Variants in MRPL21 observed in about 807,000 individuals in gnomAD.
MRPL21 encodes large ribosomal subunit protein bL21m.
In MRPL21, 20 loss-of-function variants were observed where a neutral mutation model predicts 27.3. The observed-to-expected ratio is 0.73, with a 90% confidence interval of 0.52 to 1.06. The LOEUF (loss-of-function observed/expected upper bound fraction) is 1.06. Among genes scored for constraint, MRPL21 ranks in the 50% least tolerant of loss-of-function variants. The pLI is 0.00. For synonymous variants in MRPL21, 98 were observed against 101.5 expected, an observed-to-expected ratio of 0.97 and a Z score of 0.21; for missense variants, 249 against 251.4, an observed-to-expected ratio of 0.99 and a Z score of 0.06.
chr11:68,896,356 G>C lies in MRPL21; in HGVS notation c.396+159C>G, dbSNP rs1036527498. 4.4e-6 allele frequency: 4 copies of C among 909,772 alleles called. No individual in the cohort carries two copies. The South Asian group carries it at 4.7e-5, about 11-fold the overall frequency. 56.4% of individuals were successfully genotyped at this position (909,772 alleles called of 1,614,324 possible). Reference sequence around the variant, plus strand: ...TGCCCTGCCCTTGGACCCCAGCCCCGCCGTGGGCGCCCCCCAAAGTCCCTT... The same window carrying C: ...TGCCCTGCCCTTGGACCCCAGCCCCCCCGTGGGCGCCCCCCAAAGTCCCTT... On this transcript the variant is annotated intron_variant, in intron 4 of 6. Transcript: ENST00000362034.
Position 68,900,482 on chromosome 11 carries a change from G to C in MRPL21, c.146+66C>G, listed in dbSNP as rs1227083900. On this transcript the variant is annotated intron_variant, in intron 2 of 6. Coordinates refer to ENST00000362034, the MANE Select transcript of MRPL21 (RefSeq NM_181514.2). ...TGAGAACCAAAAGGTAGGAAGTTTT[G>C]ACTTTAGAAAGATGGTTCTACAAAT... is the stretch of plus-strand genomic sequence containing the variant. 9 of 1,420,820 alleles carry C rather than the reference G, an allele frequency of 6.3e-6. No individual in the cohort carries two copies. In the African/African-American group the frequency reaches 1.3e-4, roughly 20 times the overall value. The allele number at this position is 1,420,820 out of a possible 1,614,324, so 88.0% of individuals were successfully genotyped here. A position where few individuals can be genotyped will look rare whatever the true frequency, so the allele number is the denominator to read the frequency against.
chr11:68,895,881 T>C (rs943852151), intron 4 of MRPL21, among the ~76,000 whole-genome samples: 8 of 152,304 alleles, frequency 5.3e-5, no homozygotes, highest in Admixed American at 3.9e-4. Flanking sequence ...GGTCTCACCA[T>C]GTTGCCCAGG....
rs1286001356 is a variant in MRPL21, at chr11:68,892,676, G to A, written c.553+214C>T. 9 of 1,497,288 alleles carry A rather than the reference G, an allele frequency of 6.0e-6. No homozygotes were observed. The African/African-American group carries it at 7.0e-5, about 12-fold the overall frequency. 92.8% of individuals were successfully genotyped at this position (1,497,288 alleles called of 1,614,324 possible). A position where few individuals can be genotyped will look rare whatever the true frequency, so the allele number is the denominator to read the frequency against. Reference sequence around the variant, plus strand: ...GCGTGGAGGAGAAGGGGAGCGAGGTGGGGTCACGCGTGGAGCGTGGAGGAG... The same window carrying A: ...GCGTGGAGGAGAAGGGGAGCGAGGTAGGGTCACGCGTGGAGCGTGGAGGAG... On this transcript the variant is annotated intron_variant, in intron 6 of 6. Transcript: ENST00000362034.
At position 68,900,489 on chromosome 11, in the gene MRPL21, G is replaced by T. The variant is rs184499148; in HGVS notation, c.146+59C>A. The T allele has an allele frequency of 2.5e-3, 3,747 of 1,478,348 alleles. 6 individuals are homozygous for T. The highest frequency in any genetic ancestry group is 3.1e-3 in the Non-Finnish European group (3,332 of 1,064,584). 91.6% of individuals were successfully genotyped at this position (1,478,348 alleles called of 1,614,324 possible). On this transcript the variant is annotated intron_variant, in intron 2 of 6. Transcript: ENST00000362034. ...CAAAAGGTAGGAAGTTTTGACTTTAGAAAGATGGTTCTACAAATGAAAGGA... is the reference window on the plus strand; with the variant it reads ...CAAAAGGTAGGAAGTTTTGACTTTATAAAGATGGTTCTACAAATGAAAGGA...
intron 3 of MRPL21, 39 bp from the exon 4 acceptor site, chr11:68,896,717 C>T: frequency 1.2e-6 from 2 of 1,610,986 alleles, no homozygotes; most frequent in Non-Finnish European, 1.7e-6. Context: ...TCACCCTCAC[C>T]TGCTCCCCCA....
At chr11:68,891,488 G>A (rs1857645580) in intron 6 of MRPL21, 93 bp from the exon 7 acceptor site, 8 of 1,252,780 alleles carry the variant, frequency 6.4e-6, no homozygotes, top group Admixed American at 5.0e-5. Context: ...CCCAGCCAGC[G>A]CGACCCCGGC....
chr11:68,901,665 A>G (rs1857938860), intron 1 of MRPL21, among the ~76,000 whole-genome samples: 1 of 152,036 alleles, frequency 6.6e-6, no homozygotes, highest in African/African-American at 2.4e-5. Flanking sequence ...CTCTCCGCCC[A>G]TGGCCATTCC....
In MRPL21 at chr11:68,892,165, G is replaced by A. The variant is rs1215342805; in HGVS notation, c.553+725C>T. ...GAGAAGGGGAGCGAGGTGGGTTCAC[G>A]CGCGGAGGGTGGAGGAGAAGGGGAG... is the stretch of plus-strand genomic sequence containing the variant. On this transcript the variant is annotated intron_variant, in intron 6 of 6. Transcript: ENST00000362034. 13 of 876,966 alleles carry A rather than the reference G, an allele frequency of 1.5e-5. No individual in the cohort carries two copies. The African/African-American group carries it at 2.7e-4, about 18-fold the overall frequency. The allele number at this position is 876,966 out of a possible 1,614,324, so 54.3% of individuals were successfully genotyped here.
At chr11:68,891,454 G>A in intron 6 of MRPL21, 59 bp from the exon 7 acceptor site, 1 of 1,555,890 alleles carries the variant, frequency 6.4e-7, no homozygotes, top group South Asian at 1.1e-5. Flanking sequence ...ATCAGTTACA[G>A]CAGGGGCTCT....
rs762863658 is a variant in MRPL21, at chr11:68,903,828, G to A, written c.-18C>T. On this transcript the variant is annotated 5_prime_UTR_variant, in exon 1 of 7. Transcript: ENST00000362034. ...GCTGCCATGGCCGCAGCCTCGGCCG[G>A]AAACGGAAACGACGCGAACCGCGTG... 2.7e-6 allele frequency: 3 copies of A among 1,113,806 alleles called. No individual in the cohort carries two copies. Among genetic ancestry groups the A allele is most frequent in the Non-Finnish European group, 1.3e-6 (1 of 781,712 alleles). 69.0% of individuals were successfully genotyped at this position (1,113,806 alleles called of 1,614,324 possible). A position where few individuals can be genotyped will look rare whatever the true frequency, so the allele number is the denominator to read the frequency against.
chr11:68,896,342 T>C (rs375378810), intron 4 of MRPL21, 173 bp downstream of exon 4: 2 of 786,934 alleles, frequency 2.5e-6, no homozygotes, highest in East Asian at 5.0e-5. Context: ...GCCCTGCCCT[T>C]GGACCCCAGC....
rs1857910258 is a variant in MRPL21 at position 68,900,563 on chromosome 11, G to A, written c.131C>T (p.Thr44Ile). The A allele has an allele frequency of 3.1e-6, 5 of 1,613,954 alleles. No individual in the cohort carries two copies. The South Asian group carries it at 4.4e-5, about 14-fold the overall frequency. ...TTGATATTACCCTGGTAGATATGAA[G>A]TGCTCTGTGAATTGAACCTTCGAGA... ...SASRRFNSQSTSYLPGYVPKT... is the reference protein window; with the variant it reads ...SASRRFNSQSISYLPGYVPKT... Residue 44 changes from threonine (T) to isoleucine (I), a missense_variant, in exon 2 of 7, where the codon ACT becomes ATT. Coordinates refer to ENST00000362034, the MANE Select transcript of MRPL21 (RefSeq NM_181514.2).
intron 2 of MRPL21, among the ~76,000 whole-genome samples, chr11:68,899,247 C>T (rs969465315): frequency 1.8e-4 from 28 of 152,106 alleles, no homozygotes; most frequent in Admixed American, 1.6e-3. Flanking sequence ...GATCCCAAAC[C>T]GAATTATTCA....
At chr11:68,897,222 GCT>G (rs1278800665) in intron 3 of MRPL21, among the ~76,000 whole-genome samples, 2 of 152,110 alleles carry the variant, frequency 1.3e-5, no homozygotes, top group Non-Finnish European at 2.9e-5. Context: ...TGTTATCTCT[GCT>G]CTGACCCAGG....
At chr11:68,897,490 G>A (rs991560551) in intron 3 of MRPL21, 4 of 171,464 alleles carry the variant, frequency 2.3e-5, no homozygotes, top group South Asian at 1.8e-4. Flanking sequence ...TCTGGAAAGC[G>A]AGGATCATGG....
chr11:68,895,597 C>A (rs1184023988), intron 4 of MRPL21, among the ~76,000 whole-genome samples: 1 of 152,162 alleles, frequency 6.6e-6, no homozygotes, highest in Non-Finnish European at 1.5e-5. Context: ...TTGCAGTGAG[C>A]CAAGACTGCG....
chr11:68,897,015 G>A lies in MRPL21; in HGVS notation c.233-337C>T, dbSNP rs146714506. On this transcript the variant is annotated intron_variant, in intron 3 of 6. Transcript: ENST00000362034. ...CCTGGCTAGGTTTCTACAACTCTAG[G>A]GTGGGCGAAACCCTCCACCTGGTTC... is the stretch of plus-strand genomic sequence containing the variant. Among the ~76,000 whole-genome samples, 841 of 152,264 alleles carry A rather than the reference G, an allele frequency of 5.5e-3. 6 individuals are homozygous for A. Among genetic ancestry groups the A allele is most frequent in the Admixed American group, 9.0e-3 (137 of 15,302 alleles).
chr11:68,898,545 T>C (rs1184668065), intron 2 of MRPL21, among the ~76,000 whole-genome samples: 4 of 152,178 alleles, frequency 2.6e-5, no homozygotes, highest in African/African-American at 9.7e-5. Context: ...CCCAGGTGAG[T>C]GCCAGGCAGA....
At chr11:68,899,679 G>A (rs1340387319) in intron 2 of MRPL21, among the ~76,000 whole-genome samples, 1 of 152,196 alleles carries the variant, frequency 6.6e-6, no homozygotes, top group Non-Finnish European at 1.5e-5. Flanking sequence ...GGACACAGGG[G>A]TAGTAGGCAC....
Sources: gnomAD v4.1 joint callset for allele counts (sites outside exome capture counted in the v4.1 genomes callset) on GRCh38, gnomAD v4.1.1 for gene constraint, MANE v1.5 for transcripts, NCBI Gene and HGNC (gene_info 2026-07-23, HGNC 2026-07-21) for gene names.